Variants in KCNH1 observed in about 807,000 individuals in gnomAD.
KCNH1 encodes the protein potassium voltage-gated channel subfamily H member 1.
A neutral mutation model predicts 69.2 loss-of-function variants in KCNH1; 27 were observed. The ratio of observed to expected loss-of-function variants is 0.39; its 90% CI spans 0.29 to 0.54. KCNH1 has a LOEUF of 0.54. Among genes scored for constraint, KCNH1 ranks in the 20% least tolerant of loss-of-function variants. The pLI is 0.68. For missense variants in KCNH1, 798 were observed against 1,261.6 expected (o/e 0.63, Z 5.57); for synonymous variants, 456 against 487.7 (o/e 0.93, Z 0.86).
chr1:210,799,982 A>G (rs1684398699), intron 8 of KCNH1, among the ~76,000 whole-genome samples: 1 of 152,198 alleles, frequency 6.6e-6, no homozygotes, highest in African/African-American at 2.4e-5. Flanking sequence ...TTTCTCCTAT[A>G]AAATGCAGAC....
intron 9 of KCNH1, among the ~76,000 whole-genome samples, chr1:210,777,186 A>T (rs1683878287): frequency 6.6e-6 from 1 of 152,230 alleles, no homozygotes; most frequent in African/African-American, 2.4e-5. Flanking sequence ...TATACTTCCA[A>T]GTACATGGAT....
intron 3 of KCNH1, among the ~76,000 whole-genome samples, chr1:211,095,954 C>A (rs1234767410): frequency 1.3e-5 from 2 of 152,170 alleles, no homozygotes; most frequent in Admixed American, 1.3e-4. Flanking sequence ...CTCTCACCAT[C>A]AGCCTCTTCA....
intron 7 of KCNH1, among the ~76,000 whole-genome samples, chr1:210,893,309 G>A (rs1686789340): frequency 6.6e-6 from 1 of 152,100 alleles, no homozygotes; most frequent in Non-Finnish European, 1.5e-5. Context: ...TTTTCTTTTA[G>A]TACTTTAAAG....
intron 7 of KCNH1, among the ~76,000 whole-genome samples, chr1:210,915,075 C>A (rs966954814): frequency 1.3e-5 from 2 of 152,268 alleles, no homozygotes; most frequent in South Asian, 4.2e-4. Flanking sequence ...AGAGCTCCCC[C>A]AAACAGGGTC....
chr1:210,793,732 T>G (rs1475704420), intron 9 of KCNH1, among the ~76,000 whole-genome samples: 1 of 152,226 alleles, frequency 6.6e-6, no homozygotes, highest in African/African-American at 2.4e-5. Flanking sequence ...GCTCTGGCGT[T>G]TTTTTCTAAA....
Position 210,981,372 on chromosome 1 carries a change from C to CAAAAA in KCNH1, c.1032+37406_1032+37410dup, listed in dbSNP as rs10684074. 5.2e-3 allele frequency among the ~76,000 whole-genome samples: 446 copies of CAAAAA among 85,372 alleles called. 14 individuals carry two copies. Among genetic ancestry groups the CAAAAA allele is most frequent in the Middle Eastern group, 9.8e-3 (1 of 102 alleles). The allele number at this position is 85,372 out of a possible 152,430, so 56.0% of individuals were successfully genotyped here. A position where few individuals can be genotyped will look rare whatever the true frequency, so the allele number is the denominator to read the frequency against. On this transcript the variant is annotated intron_variant, in intron 6 of 10. Coordinates refer to ENST00000271751, the MANE Select transcript of KCNH1 (RefSeq NM_172362.3). The stretch of plus-strand genomic sequence containing the variant: ...AATGAGTCATTAGAAGTAACAACGA[C>CAAAAA]AAAAAAAAAAAAAAAAAAAAGAATC...
chr1:210,800,219 T>A (rs1684401866), intron 8 of KCNH1, among the ~76,000 whole-genome samples: 1 of 152,202 alleles, frequency 6.6e-6, no homozygotes. Context: ...CGCCAATGCT[T>A]GGGCAGAGTG....
At chr1:211,127,700 G>T (rs544532527) in intron 1 of KCNH1, among the ~76,000 whole-genome samples, 1 of 152,268 alleles carries the variant, frequency 6.6e-6, no homozygotes, top group South Asian at 2.1e-4. Flanking sequence ...AAAGACAAAA[G>T]AAGAAAATAC....
chr1:210,896,371 G>C (rs1049409344), intron 7 of KCNH1, among the ~76,000 whole-genome samples: 3 of 152,132 alleles, frequency 2.0e-5, no homozygotes, highest in Admixed American at 2.0e-4. Flanking sequence ...GAAGTGACCA[G>C]GCTGTAGACA....
chr1:210,747,916 T>C (rs1178588609), intron 10 of KCNH1, among the ~76,000 whole-genome samples: 1 of 152,222 alleles, frequency 6.6e-6, no homozygotes, highest in Non-Finnish European at 1.5e-5. Context: ...ATTTAAGTCC[T>C]GAGATGAGAT....
intron 6 of KCNH1, among the ~76,000 whole-genome samples, chr1:210,966,217 T>C (rs1688397037): frequency 2.0e-5 from 3 of 152,170 alleles, no homozygotes; most frequent in African/African-American, 7.2e-5. Context: ...TCCTTACACC[T>C]TATACAAAAA....
At chr1:210,839,368 A>G (rs547592770) in intron 7 of KCNH1, among the ~76,000 whole-genome samples, 10 of 152,172 alleles carry the variant, frequency 6.6e-5, no homozygotes, top group African/African-American at 2.4e-4. Context: ...ATGAGAACAC[A>G]TGGACACACG....
chr1:211,101,366 C>T (rs1691254682), intron 3 of KCNH1, among the ~76,000 whole-genome samples: 1 of 152,162 alleles, frequency 6.6e-6, no homozygotes, highest in South Asian at 2.1e-4. Context: ...CCAGGCTTAA[C>T]AAATAAGTTC....
intron 2 of KCNH1, among the ~76,000 whole-genome samples, 194 bp from the exon 3 acceptor site, chr1:211,103,796 A>T (rs771014654): frequency 3.9e-5 from 6 of 152,234 alleles, no homozygotes; most frequent in Non-Finnish European, 8.8e-5. Flanking sequence ...TCTCCAAAAA[A>T]CTAACAGTCT....
chr1:210,688,513 G>A (rs1681456077), intron 10 of KCNH1, among the ~76,000 whole-genome samples: 1 of 152,138 alleles, frequency 6.6e-6, no homozygotes, highest in African/African-American at 2.4e-5. Context: ...TGGTTTAATG[G>A]GGAGAGAGAA....
intron 5 of KCNH1, among the ~76,000 whole-genome samples, chr1:211,025,085 G>A (rs1332497938): frequency 6.6e-6 from 1 of 152,184 alleles, no homozygotes; most frequent in East Asian, 1.9e-4. Flanking sequence ...CTCCAAGAGA[G>A]AATCACCAAT....
intron 10 of KCNH1, among the ~76,000 whole-genome samples, chr1:210,732,127 C>G (rs150525865): frequency 1.3e-5 from 2 of 151,820 alleles, no homozygotes; most frequent in Admixed American, 6.6e-5. Flanking sequence ...GCAACCCCCA[C>G]CATCAGGTCA....
At chr1:211,042,560 T>C (rs934210140) in intron 5 of KCNH1, among the ~76,000 whole-genome samples, 2 of 152,202 alleles carry the variant, frequency 1.3e-5, no homozygotes, top group Non-Finnish European at 2.9e-5. Flanking sequence ...AGACAGGTCA[T>C]CAAGACAGAA....
At chr1:210,700,429 G>A (rs1681745693) in intron 10 of KCNH1, among the ~76,000 whole-genome samples, 1 of 152,130 alleles carries the variant, frequency 6.6e-6, no homozygotes, top group Non-Finnish European at 1.5e-5. Flanking sequence ...GAGCACACCT[G>A]GGTCCAAGTA....
Sources: gnomAD v4.1 joint callset for allele counts (sites outside exome capture counted in the v4.1 genomes callset) on GRCh38, gnomAD v4.1.1 for gene constraint, MANE v1.5 for transcripts, NCBI Gene and HGNC (gene_info 2026-07-23, HGNC 2026-07-21) for gene names.